The following SLC24A2 variants were observed in gnomAD, a reference collection of about 807,000 sequenced individuals.
SLC24A2 encodes solute carrier family 24 member 2.
A neutral mutation model predicts 62.0 loss-of-function variants in SLC24A2; 36 were observed. That is an observed-to-expected ratio of 0.58 (90% CI 0.44 to 0.77). The LOEUF (loss-of-function observed/expected upper bound fraction) is 0.77, where lower values mean the gene tolerates loss of function less well. Among genes scored for constraint, SLC24A2 ranks in the 30% least tolerant of loss-of-function variants. The probability of loss-of-function intolerance (pLI) is 0.00; values close to 1 mark genes in which losing one functional copy is unlikely to be tolerated. For synonymous variants in SLC24A2, 358 were observed against 294.0 expected (o/e 1.22, Z -2.23); for missense variants, 846 against 817.9 (o/e 1.03, Z -0.42).
intron 2 of SLC24A2, among the ~76,000 whole-genome samples, chr9:19,714,136 C>G (rs994563944): frequency 6.6e-6 from 1 of 152,204 alleles, no homozygotes; most frequent in Non-Finnish European, 1.5e-5. Flanking sequence ...GAAAGTCTTT[C>G]TACAACAACA....
chr9:20,174,107 T>A, the SLC24A2 span, among the ~76,000 whole-genome samples: 9 of 151,994 alleles, frequency 5.9e-5, no homozygotes, highest in Non-Finnish European at 1.0e-4. Context: ...GGAAAGGACA[T>A]CCTATTCAAC....
intron 8 of SLC24A2, among the ~76,000 whole-genome samples, chr9:19,530,096 T>C (rs958123048): frequency 6.6e-6 from 1 of 151,566 alleles, no homozygotes; most frequent in Non-Finnish European, 1.5e-5. Flanking sequence ...TTTTTTTTTT[T>C]TTAAGCTAGG....
chr9:19,700,600 G>A (rs892031698), intron 2 of SLC24A2, among the ~76,000 whole-genome samples: 42 of 152,166 alleles, frequency 2.8e-4, no homozygotes, highest in African/African-American at 1.0e-3. Flanking sequence ...TCCACAGAAA[G>A]CTCTGAAACT....
the SLC24A2 span, among the ~76,000 whole-genome samples, chr9:20,144,444 C>A: frequency 6.6e-6 from 1 of 152,186 alleles, no homozygotes; most frequent in South Asian, 2.1e-4. Flanking sequence ...TAGCCTGAAA[C>A]CTTAGCCTGC....
intron 2 of SLC24A2, among the ~76,000 whole-genome samples, chr9:19,630,731 C>A (rs188197231): frequency 3.3e-5 from 5 of 152,152 alleles, no homozygotes; most frequent in African/African-American, 1.2e-4. Context: ...TTCCAGGAAG[C>A]AAAAACATCA....
the SLC24A2 span, among the ~76,000 whole-genome samples, chr9:20,184,382 T>G: frequency 8.6e-3 from 1,307 of 151,958 alleles, 24 homozygotes; most frequent in African/African-American, 0.03. Context: ...AAACCCTGTC[T>G]CTACTAAAAT....
chr9:19,961,946 C>T, the SLC24A2 span, among the ~76,000 whole-genome samples: 4 of 152,304 alleles, frequency 2.6e-5, no homozygotes, highest in Non-Finnish European at 5.9e-5. Flanking sequence ...CCCAGATAAA[C>T]CACTCCTAGA....
chr9:20,174,227 A>G, the SLC24A2 span, among the ~76,000 whole-genome samples: 1 of 152,154 alleles, frequency 6.6e-6, no homozygotes, highest in African/African-American at 2.4e-5. Context: ...TAAATCTAAG[A>G]CCTAAAATTA....
At chr9:19,519,660 A>G (rs1481646080) in intron 10 of SLC24A2, among the ~76,000 whole-genome samples, 1 of 152,148 alleles carries the variant, frequency 6.6e-6, no homozygotes, top group Non-Finnish European at 1.5e-5. Flanking sequence ...CTTGGGATGC[A>G]CAGTCTAGCA....
At chr9:19,722,866 T>C (rs1821068042) in intron 2 of SLC24A2, among the ~76,000 whole-genome samples, 1 of 152,122 alleles carries the variant, frequency 6.6e-6, no homozygotes, top group Non-Finnish European at 1.5e-5. Flanking sequence ...CTAGAGCATT[T>C]GGAGGTGCTA....
chr9:20,051,657 C>CTCTCTTTTTTT, the SLC24A2 span, among the ~76,000 whole-genome samples: 1 of 73,514 alleles, frequency 1.4e-5, no homozygotes, highest in African/African-American at 6.1e-5. Flanking sequence ...TTTTCTTTCT[C>CTCTCTTTTTTT]TTTTTTTTTT....
At position 19,563,323 on chromosome 9, in the gene SLC24A2, A is replaced by T. The variant is rs79083538; in HGVS notation, c.1347+10028T>A. Among the ~76,000 whole-genome samples, 1,390 of 152,128 alleles carry T rather than the reference A, an allele frequency of 9.1e-3. 20 individuals carry two copies. Among genetic ancestry groups the T allele is most frequent in the African/African-American group, 0.031 (1,282 of 41,524 alleles). ...GTTCCAGGAGATTGAAAAACCAGGG[A>T]AATGCAATTCTTGCCTATTTATTTT... is the stretch of plus-strand genomic sequence containing the variant. On this transcript the variant is annotated intron_variant, in intron 7 of 10. Coordinates refer to ENST00000341998, the MANE Select transcript of SLC24A2 (RefSeq NM_020344.4).
chr9:20,191,517 C>T, the SLC24A2 span, among the ~76,000 whole-genome samples: 6,041 of 151,786 alleles, frequency 0.04, 408 homozygotes, highest in African/African-American at 0.14. Flanking sequence ...GAAAGCATTC[C>T]GACAGTATCT....
Position 19,723,547 on chromosome 9 carries a change from C to T in SLC24A2, c.930+62390G>A, listed in dbSNP as rs1050753249. Among the ~76,000 whole-genome samples the T allele has an allele frequency of 1.6e-4, 25 of 152,228 alleles. 2 individuals are homozygous for T. Among genetic ancestry groups the T allele is most frequent in the Admixed American group, 1.4e-3 (22 of 15,272 alleles). On this transcript the variant is annotated intron_variant, in intron 2 of 10. Coordinates refer to ENST00000341998, the MANE Select transcript of SLC24A2 (RefSeq NM_020344.4). ...CGTCTCATAATGACTTTAACATAGA[C>T]TCTGTGAAATAAGCAATTTTTGCCA...
the SLC24A2 span, among the ~76,000 whole-genome samples, chr9:20,046,683 C>T: frequency 1.3e-5 from 2 of 152,012 alleles, no homozygotes; most frequent in African/African-American, 2.4e-5. Flanking sequence ...CAGTTTGCAA[C>T]CTAAGAAGCA....
intron 6 of SLC24A2, among the ~76,000 whole-genome samples, chr9:19,576,661 G>C (rs1480653456): frequency 1.3e-5 from 2 of 152,206 alleles, no homozygotes; most frequent in African/African-American, 4.8e-5. Flanking sequence ...GAGATGACTA[G>C]TTAAGAGATG....
At chr9:19,965,452 C>A in the SLC24A2 span, among the ~76,000 whole-genome samples, 2 of 152,112 alleles carry the variant, frequency 1.3e-5, no homozygotes, top group African/African-American at 4.8e-5. Flanking sequence ...TTTAATATTT[C>A]AACAACTTGC....
chr9:19,551,177 C>T (rs1439740241), intron 7 of SLC24A2, among the ~76,000 whole-genome samples: 2 of 152,236 alleles, frequency 1.3e-5, no homozygotes, highest in African/African-American at 4.8e-5. Flanking sequence ...TGCTTAACCA[C>T]AGCTAAATTC....
At chr9:19,688,498 G>A (rs1407403040) in intron 2 of SLC24A2, among the ~76,000 whole-genome samples, 2 of 152,092 alleles carry the variant, frequency 1.3e-5, no homozygotes, top group African/African-American at 4.8e-5. Context: ...CGGAAAAGCT[G>A]TAGGAAAGTT....
Sources: allele counts gnomAD v4.1 joint callset (sites outside exome capture counted in the v4.1 genomes callset), GRCh38; gene constraint gnomAD v4.1.1; transcripts MANE v1.5; gene names NCBI Gene and HGNC (gene_info 2026-07-23, HGNC 2026-07-21).